FGD5: variants seen among roughly 807,000 people sequenced by gnomAD.
FGD5 encodes the protein FYVE, RhoGEF and PH domain-containing protein 5.
FGD5 carries 28 observed loss-of-function variants against 133.4 expected under a neutral mutation model. That is an observed-to-expected ratio of 0.21 (90% CI 0.16 to 0.29). FGD5 has a LOEUF of 0.29. FGD5 is among the 10% of genes least tolerant of loss of function. FGD5 has a pLI of 1.00. For synonymous variants in FGD5, 810 were observed against 776.5 expected (o/e 1.04, Z -0.72); for missense variants, 1,858 against 1,895.2 (o/e 0.98, Z 0.36).
At chr3:14,882,355 G>C (rs1189947376) in intron 4 of FGD5, 1 of 984,976 alleles carries the variant, frequency 1.0e-6, no homozygotes, top group Non-Finnish European at 1.2e-6. Context: ...GAAGCCCCTG[G>C]TAATCCATAA....
At chr3:14,863,984 G>A in intron 1 of FGD5, 144 bp from the exon 2 acceptor site, 2 of 1,182,786 alleles carry the variant, frequency 1.7e-6, no homozygotes, top group Non-Finnish European at 1.2e-6. Context: ...AGCCAGTGTG[G>A]CTGGGGGTGG....
At chr3:14,847,194 GA>G (rs1460892400) in intron 1 of FGD5, among the ~76,000 whole-genome samples, 5 of 152,146 alleles carry the variant, frequency 3.3e-5, no homozygotes, top group African/African-American at 4.8e-5. Flanking sequence ...TGGAAATGCC[GA>G]CCCCCACCCG....
chr3:14,899,633 G>A (rs2038199394), intron 7 of FGD5, among the ~76,000 whole-genome samples: 1 of 152,210 alleles, frequency 6.6e-6, no homozygotes, highest in African/African-American at 2.4e-5. Flanking sequence ...CTATGTACCA[G>A]GTCCCATGCT....
intron 9 of FGD5, among the ~76,000 whole-genome samples, chr3:14,904,238 G>T (rs145057459): frequency 2.0e-5 from 3 of 152,268 alleles, no homozygotes; most frequent in Middle Eastern, 3.4e-3. Context: ...TCTTAGGAGC[G>T]GGGGGTTATG....
chr3:14,869,672 A>G (rs1050471919), intron 2 of FGD5, among the ~76,000 whole-genome samples: 28 of 152,196 alleles, frequency 1.8e-4, no homozygotes, highest in African/African-American at 6.8e-4. Flanking sequence ...TAGGGACTTC[A>G]CATGAGTGGA....
chr3:14,874,149 T>C (rs1367772873), intron 2 of FGD5, among the ~76,000 whole-genome samples: 1 of 152,208 alleles, frequency 6.6e-6, no homozygotes, highest in Non-Finnish European at 1.5e-5. Flanking sequence ...GTGAATGAAC[T>C]TGGAGGGCTT....
intron 1 of FGD5, among the ~76,000 whole-genome samples, chr3:14,849,511 G>A (rs1024020314): frequency 2.6e-5 from 4 of 152,194 alleles, no homozygotes; most frequent in Admixed American, 6.5e-5. Context: ...TAACTTCACA[G>A]AGCCTTAGTT....
chr3:14,865,119 A>ACCCCCCCCCCCCCCCCCCCCCC, intron 2 of FGD5, among the ~76,000 whole-genome samples: 1 of 140,746 alleles, frequency 7.1e-6, no homozygotes, highest in Admixed American at 7.3e-5. Context: ...CCCCCACCCA[A>ACCCCCCCCCCCCCCCCCCCCCC]CCCACCCATC....
At chr3:14,905,346 C>CTGTG (rs913082442) in intron 9 of FGD5, among the ~76,000 whole-genome samples, 1 of 151,620 alleles carries the variant, frequency 6.6e-6, no homozygotes, top group Admixed American at 6.6e-5. Flanking sequence ...TGTGATGCGT[C>CTGTG]TGTGTGTGTG....
chr3:14,871,551 G>A (rs1176317195), intron 2 of FGD5, among the ~76,000 whole-genome samples: 1 of 152,224 alleles, frequency 6.6e-6, no homozygotes, highest in African/African-American at 2.4e-5. Context: ...TTTCAGTACA[G>A]TAACACAAGA....
In FGD5 at chr3:14,933,399, C is replaced by T. The variant is rs2038931896; in HGVS notation, c.*232C>T. The T allele has an allele frequency of 3.6e-6, 2 of 555,748 alleles. No homozygotes were observed. The highest frequency in any genetic ancestry group is 6.5e-6 in the Non-Finnish European group (2 of 309,880). The allele number at this position is 555,748 out of a possible 1,614,324, so 34.4% of individuals were successfully genotyped here. ...CTTTTCTGTGTTTTCCACCCCTACC[C>T]CCACCCGCCACCCAGTAATAAACTA... On this transcript the variant is annotated 3_prime_UTR_variant, in exon 20 of 20. Transcript: ENST00000285046.
At chr3:14,854,726 T>TAAA in intron 1 of FGD5, among the ~76,000 whole-genome samples, 1 of 152,302 alleles carries the variant, frequency 6.6e-6, no homozygotes, top group South Asian at 2.1e-4. Context: ...GGCCCTCTTT[T>TAAA]ATTTTTTAAA....
rs368911715 is a variant in FGD5 at position 14,869,272 on chromosome 3, C to T, written c.2658+5012C>T. On this transcript the variant is annotated intron_variant, in intron 2 of 19. Coordinates refer to ENST00000285046, the MANE Select transcript of FGD5 (RefSeq NM_152536.4). ...TCGAGCCACTGCACTCTAACCTGGG[C>T]GACAGAGCAAGACTCTGTCTTAAGA... Among the ~76,000 whole-genome samples, 179 of 151,978 alleles carry T rather than the reference C, an allele frequency of 1.2e-3. 2 individuals are homozygous for T. The South Asian group carries it at 0.019, about 16-fold the overall frequency.
At chr3:14,886,893 CAT>C (rs2037935506) in intron 4 of FGD5, among the ~76,000 whole-genome samples, 1 of 152,204 alleles carries the variant, frequency 6.6e-6, no homozygotes, top group South Asian at 2.1e-4. Context: ...GGTTGGAAAA[CAT>C]ATTTTTTATG....
At chr3:14,841,315 G>A (rs1374249357) in intron 1 of FGD5, among the ~76,000 whole-genome samples, 1 of 152,232 alleles carries the variant, frequency 6.6e-6, no homozygotes, top group Non-Finnish European at 1.5e-5. Flanking sequence ...GACAGATGGA[G>A]TTACCGTCTT....
At chr3:14,860,552 T>G (rs930639031) in intron 1 of FGD5, among the ~76,000 whole-genome samples, 1 of 152,214 alleles carries the variant, frequency 6.6e-6, no homozygotes, top group Non-Finnish European at 1.5e-5. Flanking sequence ...ACGACTGCCA[T>G]GGCTGAGGCT....
Position 14,900,439 on chromosome 3 carries a change from A to G in FGD5, c.3191A>G (p.Tyr1064Cys), listed in dbSNP as rs2038216142. ...AACCTTTGTCCGGACTCCGCCGAGT[A>G]CGACAACACACAGGGTGAGTCCAGC... ...LNNLCPDSAE[Y>C]DNTQGALSLI... Residue 1064 changes from tyrosine (Y) to cysteine (C), a missense_variant, in exon 8 of 20, where the codon TAC (tyrosine) becomes TGC (cysteine). Physicochemically the swap from Tyr to Cys is radical, Grantham distance 194. Coordinates refer to ENST00000285046, the MANE Select transcript of FGD5 (RefSeq NM_152536.4). 1.2e-6 allele frequency: 2 copies of G among 1,613,386 alleles called. No individual in the cohort carries two copies. The highest frequency in any genetic ancestry group is 1.1e-5 in the South Asian group (1 of 90,882).
At chr3:14,841,158 A>G (rs1305079906) in intron 1 of FGD5, among the ~76,000 whole-genome samples, 1 of 152,184 alleles carries the variant, frequency 6.6e-6, no homozygotes, top group Non-Finnish European at 1.5e-5. Flanking sequence ...GTGAGATGGC[A>G]GGGTCAGAAA....
At position 14,932,491 on chromosome 3, in the gene FGD5, C is replaced by CT. The variant is rs1444784608; in HGVS notation, c.4198-84dup. The CT allele has an allele frequency of 2.0e-6, 3 of 1,469,604 alleles. No individual in the cohort carries two copies. The African/African-American group carries it at 4.2e-5, about 21-fold the overall frequency. The allele number at this position is 1,469,604 out of a possible 1,614,324, so 91.0% of individuals were successfully genotyped here. A position where few individuals can be genotyped will look rare whatever the true frequency, so the allele number is the denominator to read the frequency against. On this transcript the variant is annotated intron_variant, in intron 18 of 19. Transcript: ENST00000285046. ...AAAGCACACCCCACACAGAGGCACTCTTCACGCATCTCAGATTGGAGATAA... is the reference window on the plus strand; with the variant it reads ...AAAGCACACCCCACACAGAGGCACTCTTTCACGCATCTCAGATTGGAGATAA...
Sources: allele counts gnomAD v4.1 joint callset (sites outside exome capture counted in the v4.1 genomes callset), GRCh38; gene constraint gnomAD v4.1.1; transcripts MANE v1.5; gene names NCBI Gene and HGNC (gene_info 2026-07-23, HGNC 2026-07-21).